Variants in MACROD2 observed in about 807,000 individuals in gnomAD.
MACROD2 encodes mono-ADP ribosylhydrolase 2, also known as ADP-ribose glycohydrolase MACROD2.
A neutral mutation model predicts 70.4 loss-of-function variants in MACROD2; 36 were observed. The observed-to-expected ratio is 0.51, with a 90% CI of 0.39 to 0.68. The LOEUF is 0.68. Among genes scored for constraint, MACROD2 ranks in the 30% least tolerant of loss-of-function variants. The pLI, the probability that MACROD2 is intolerant of heterozygous loss-of-function variation, is 0.00. For missense variants in MACROD2, 496 were observed against 538.4 expected (o/e 0.92, Z 0.78); for synonymous variants, 172 against 178.8 (o/e 0.96, Z 0.30).
chr20:15,714,032 C>CACACACACACACACA (rs1555868659), intron 8 of MACROD2, among the ~76,000 whole-genome samples: 1 of 149,710 alleles, frequency 6.7e-6, no homozygotes, highest in African/African-American at 2.5e-5. Context: ...CACACACACA[C>CACACACACACACACA]GGTATAAATG....
At chr20:14,009,592 G>T (rs2052871055) in intron 2 of MACROD2, among the ~76,000 whole-genome samples, 1 of 152,224 alleles carries the variant, frequency 6.6e-6, no homozygotes, top group East Asian at 1.9e-4. Context: ...AATACCGTTT[G>T]ACCCAGCAAT....
rs914879159 is a variant in MACROD2 at position 14,652,658 on chromosome 20, T to G, written c.302-32185T>G. ...CCTGGGCTCACTCAAGACCACCAGG[T>G]TGAAGGAATTCTAAAGCTGGAGATC... On this transcript the variant is annotated intron_variant, in intron 4 of 17. Coordinates refer to ENST00000684519, the MANE Select transcript of MACROD2 (RefSeq NM_001351661.2). Among the ~76,000 whole-genome samples the G allele has an allele frequency of 2.0e-5, 3 of 152,182 alleles. No homozygotes were observed. The East Asian group carries it at 5.8e-4, about 29-fold the overall frequency.
intron 3 of MACROD2, among the ~76,000 whole-genome samples, chr20:14,395,592 C>T (rs983702517): frequency 2.0e-5 from 3 of 151,788 alleles, no homozygotes; most frequent in African/African-American, 7.3e-5. Context: ...TAATTCATTT[C>T]CACTTTGATA....
chr20:14,294,583 A>G (rs1379495748), intron 3 of MACROD2, among the ~76,000 whole-genome samples: 4 of 151,762 alleles, frequency 2.6e-5, no homozygotes. Flanking sequence ...AGCCCAAAGG[A>G]GCTTGAATAT....
At chr20:14,401,539 T>A (rs1168255250) in intron 3 of MACROD2, among the ~76,000 whole-genome samples, 3 of 152,302 alleles carry the variant, frequency 2.0e-5, no homozygotes, top group South Asian at 2.1e-4. Context: ...TCTAAATAAG[T>A]CACACTTATT....
chr20:15,001,115 G>GA (rs1301882101), intron 5 of MACROD2, among the ~76,000 whole-genome samples: 3 of 152,170 alleles, frequency 2.0e-5, no homozygotes, highest in South Asian at 4.1e-4. Context: ...TCTGGACGGA[G>GA]AAGGTTAGAA....
At chr20:14,981,432 G>GTATATATATATA (rs747438726) in intron 5 of MACROD2, among the ~76,000 whole-genome samples, 21 of 141,464 alleles carry the variant, frequency 1.5e-4, no homozygotes, top group African/African-American at 5.5e-4. Flanking sequence ...ATATGTATAT[G>GTATATATATATA]TATATATATA....
chr20:14,263,753 GAGGTTGAGACC>G (rs1192653894), intron 3 of MACROD2, among the ~76,000 whole-genome samples: 1 of 152,012 alleles, frequency 6.6e-6, no homozygotes, highest in African/African-American at 2.4e-5. Context: ...TTGAGCCCAG[GAGGTTGAGACC>G]AGTCTGGGAA....
intron 8 of MACROD2, among the ~76,000 whole-genome samples, chr20:15,645,693 TA>T (rs1482010293): frequency 1.3e-5 from 2 of 152,204 alleles, no homozygotes; most frequent in Non-Finnish European, 2.9e-5. Context: ...TTTCAAAAGT[TA>T]AAAAGATACT....
intron 3 of MACROD2, among the ~76,000 whole-genome samples, chr20:14,299,622 G>A (rs139322613): frequency 2.2e-4 from 33 of 152,208 alleles, no homozygotes; most frequent in African/African-American, 7.2e-4. Flanking sequence ...GTCTAGAACC[G>A]AACCTGCAAT....
intron 8 of MACROD2, among the ~76,000 whole-genome samples, chr20:15,559,726 C>T (rs975069841): frequency 1.3e-5 from 2 of 152,162 alleles, no homozygotes; most frequent in African/African-American, 4.8e-5. Context: ...TTCTTGGGCT[C>T]ACAGTGGTCA....
At chr20:14,437,480 G>A (rs998841992) in intron 3 of MACROD2, among the ~76,000 whole-genome samples, 2 of 152,076 alleles carry the variant, frequency 1.3e-5, no homozygotes, top group African/African-American at 4.8e-5. Context: ...TGTAATCCTA[G>A]ATACTTGGGA....
At chr20:15,509,562 C>T (rs988415) in intron 8 of MACROD2, among the ~76,000 whole-genome samples, 59,027 of 151,904 alleles carry the variant, frequency 0.39, 11,756 homozygotes, top group South Asian at 0.53. Flanking sequence ...GGAATGTACT[C>T]AGGAGCTCAC....
chr20:14,655,820 A>G (rs566438145), intron 4 of MACROD2, among the ~76,000 whole-genome samples: 1 of 152,334 alleles, frequency 6.6e-6, no homozygotes, highest in Admixed American at 6.5e-5. Context: ...GTTGCTGTCA[A>G]GCATTTCAGG....
At chr20:14,740,118 C>T (rs1600610158) in intron 5 of MACROD2, among the ~76,000 whole-genome samples, 1 of 152,024 alleles carries the variant, frequency 6.6e-6, no homozygotes, top group Admixed American at 6.6e-5. Flanking sequence ...CAAATAAATA[C>T]TTTATGAAAC....
chr20:15,757,568 A>G (rs2051365771), intron 8 of MACROD2, among the ~76,000 whole-genome samples: 1 of 152,206 alleles, frequency 6.6e-6, no homozygotes, highest in Admixed American at 6.5e-5. Flanking sequence ...ACTGTAGAAA[A>G]TACCTCCATG....
chr20:15,713,573 C>A (rs1169400962), intron 8 of MACROD2, among the ~76,000 whole-genome samples: 2 of 152,068 alleles, frequency 1.3e-5, no homozygotes. Context: ...AGGTGCTACA[C>A]ACTTTCAAAC....
intron 3 of MACROD2, among the ~76,000 whole-genome samples, chr20:14,472,797 G>C (rs1270133575): frequency 6.6e-6 from 1 of 152,140 alleles, no homozygotes; most frequent in Non-Finnish European, 1.5e-5. Flanking sequence ...ATCATGAAAT[G>C]ATGAAGGAGC....
At chr20:14,557,935 T>C (rs967832822) in intron 4 of MACROD2, among the ~76,000 whole-genome samples, 5 of 151,818 alleles carry the variant, frequency 3.3e-5, no homozygotes, top group East Asian at 3.9e-4. Context: ...TTCATACCAG[T>C]GTTATTCATA....
Sources: gnomAD v4.1 joint callset for allele counts (sites outside exome capture counted in the v4.1 genomes callset) on GRCh38, gnomAD v4.1.1 for gene constraint, MANE v1.5 for transcripts, NCBI Gene and HGNC (gene_info 2026-07-23, HGNC 2026-07-21) for gene names.